POMT2: variants seen among roughly 807,000 people sequenced by gnomAD.
POMT2 encodes protein O-mannosyl-transferase 2.
A neutral mutation model predicts 100.0 loss-of-function variants in POMT2; 75 were observed. The ratio of observed to expected loss-of-function variants is 0.75; its 90% confidence interval spans 0.62 to 0.91. The LOEUF (loss-of-function observed/expected upper bound fraction) is 0.91. Ranked by LOEUF, POMT2 falls within the 40% of genes least tolerant of loss-of-function variation. The pLI, the probability that POMT2 is intolerant of heterozygous loss-of-function variation, is 0.00. For missense variants in POMT2, 940 were observed against 955.1 expected (o/e 0.98, Z 0.21); for synonymous variants, 378 against 374.1 (o/e 1.01, Z -0.12).
At chr14:77,287,544 C>CTCTA (rs1377883829) in intron 11 of POMT2, 1 of 101,180 alleles carries the variant, frequency 9.9e-6, no homozygotes, top group African/African-American at 3.4e-5. Context: ...CTCTCTCTCT[C>CTCTA]TATATATATA....
chr14:77,320,671 G>C lies in POMT2; in HGVS notation c.11C>G (p.Ala4Gly), dbSNP rs1891858364. Residue 4 changes from alanine (A) to glycine (G), a missense_variant, in exon 1 of 21, where the codon GCC becomes GGC. Coordinates refer to ENST00000261534, the MANE Select transcript of POMT2 (RefSeq NM_013382.7). The stretch of plus-strand genomic sequence containing the variant: ...GGACTCTGCCAGGCCTCCGCCCGTG[G>C]CCGGCGGCATCTTCCCCCTCCTCTG... MPP[A>G]TGGGLAESEL... 1.3e-6 allele frequency: 2 copies of C among 1,593,362 alleles called. No homozygotes were observed. The highest frequency in any genetic ancestry group is 1.7e-6 in the Non-Finnish European group (2 of 1,178,040).
chr14:77,289,494 C>T (rs544580784), intron 10 of POMT2, among the ~76,000 whole-genome samples: 5 of 152,212 alleles, frequency 3.3e-5, no homozygotes, highest in African/African-American at 7.2e-5. Flanking sequence ...AGGCTATGAA[C>T]GAGTGTGGCC....
Position 77,282,762 on chromosome 14 carries a change from A to T in POMT2, c.1653+1035T>A, listed in dbSNP as rs184048205. ...TTTTAAAATTTAATCTGGTGAAATA[A>T]GTCAACTATATGTACTGAGTACTGC... On this transcript the variant is annotated intron_variant, in intron 15 of 20. Transcript: ENST00000261534. Among the ~76,000 whole-genome samples, 10 of 152,356 alleles carry T rather than the reference A, an allele frequency of 6.6e-5. No homozygotes were observed. The East Asian group carries it at 1.5e-3, about 23-fold the overall frequency.
At position 77,298,738 on chromosome 14, in the gene POMT2, G is replaced by C. The variant is rs749585390; in HGVS notation, c.957C>G (p.Phe319Leu). 4 of 1,613,640 alleles carry C rather than the reference G, an allele frequency of 2.5e-6. No individual in the cohort carries two copies. The Admixed American group carries it at 5.0e-5, about 20-fold the overall frequency. The stretch of plus-strand genomic sequence containing the variant: ...GGTTGTTCCCTGAAAGCCGGGCCTG[G>C]AAGGCAGAACTGAAGAAACCGTCAC... ...GPGDGFFSSA[F>L]QARLSGNNLH... Residue 319 changes from phenylalanine (F) to leucine (L), a missense_variant, in exon 8 of 21, where the codon TTC becomes TTG. By Grantham distance (22) the Phe-to-Leu change is conservative. Coordinates refer to ENST00000261534, the MANE Select transcript of POMT2 (RefSeq NM_013382.7).
In POMT2 at chr14:77,280,416, G is replaced by C. The variant is rs151051452; in HGVS notation, c.1701C>G (p.Pro567=). The change falls in exon 16 of 21, where the codon CCC becomes CCG. Residue 567 remains proline (P), a synonymous_variant. Transcript: ENST00000261534. ...KPKDNEFTSK[P]WHWPINYQGL... ...CCTGATAGTTGATAGGCCAGTGCCA[G>C]GGTTTGGACGTGAACTCATTGTCCT... 3.2e-4 allele frequency: 513 copies of C among 1,614,146 alleles called. No homozygotes were observed. Among genetic ancestry groups the C allele is most frequent in the Middle Eastern group, 2.5e-3 (15 of 6,062 alleles).
chr14:77,298,389 T>G (rs1890905848), intron 8 of POMT2, among the ~76,000 whole-genome samples: 1 of 152,226 alleles, frequency 6.6e-6, no homozygotes, highest in African/African-American at 2.4e-5. Flanking sequence ...AACCAAAAAC[T>G]GGCTCTGAAG....
rs145907554 is a variant in POMT2, at chr14:77,308,994, G to A, written c.334-2553C>T. On this transcript the variant is annotated intron_variant, in intron 2 of 20. Coordinates refer to ENST00000261534, the MANE Select transcript of POMT2 (RefSeq NM_013382.7). ...ACATCTACATAATAGAATGACACACGGCCATTAAACAGAATGAAGCGCATC... is the reference window on the plus strand; with the variant it reads ...ACATCTACATAATAGAATGACACACAGCCATTAAACAGAATGAAGCGCATC... Among the ~76,000 whole-genome samples the A allele has an allele frequency of 1.9e-3, 289 of 152,188 alleles. 1 individual carries two copies. The highest frequency in any genetic ancestry group is 6.5e-3 in the African/African-American group (270 of 41,516).
intron 1 of POMT2, among the ~76,000 whole-genome samples, chr14:77,318,521 C>A (rs1424529712): frequency 6.6e-6 from 1 of 152,020 alleles, no homozygotes; most frequent in East Asian, 1.9e-4. Context: ...ATCCTAAGGG[C>A]CTTACTTAGG....
intron 2 of POMT2, among the ~76,000 whole-genome samples, chr14:77,307,623 GAGA>G (rs1183425701): frequency 6.6e-6 from 1 of 152,142 alleles, no homozygotes; most frequent in Non-Finnish European, 1.5e-5. Flanking sequence ...CTGGTCTAGA[GAGA>G]AGAAATGTAC....
At chr14:77,278,373 G>A (rs758458567) in intron 20 of POMT2, 21 bp downstream of exon 20, 2 of 1,449,454 alleles carry the variant, frequency 1.4e-6, no homozygotes, top group Admixed American at 3.9e-5. Context: ...GGGAGGGCAT[G>A]TGAGGTGCAG....
At chr14:77,278,991 C>T (rs755698062) in intron 18 of POMT2, 122 bp from the exon 19 acceptor site, 5 of 1,273,602 alleles carry the variant, frequency 3.9e-6, no homozygotes, top group Non-Finnish European at 5.5e-6. Flanking sequence ...CTCATTGGAC[C>T]AACCCAAACC....
intron 13 of POMT2, 161 bp from the exon 14 acceptor site, chr14:77,285,202 G>A (rs1008452873): frequency 4.0e-6 from 3 of 748,888 alleles, no homozygotes; most frequent in East Asian, 5.4e-5. Context: ...GGATAGTCTA[G>A]CATACAGTAT....
At chr14:77,301,312 C>T in intron 5 of POMT2, 63 bp from the exon 6 acceptor site, 1 of 1,592,730 alleles carries the variant, frequency 6.3e-7, no homozygotes. Context: ...GCAAGCGCAG[C>T]AGGGGACAGG....
chr14:77,320,645 C>G lies in POMT2; in HGVS notation c.37G>C (p.Glu13Gln). ...PATGGGLAESELRPRRGRCGP... is the reference protein window; with the variant it reads ...PATGGGLAESQLRPRRGRCGP... ...CAGCGGCCCCTCCGGGGACGCAGCT[C>G]GGACTCTGCCAGGCCTCCGCCCGTG... Residue 13 changes from glutamate to glutamine, a missense_variant, in exon 1 of 21, where the codon GAG becomes CAG. Physicochemically the swap from Glu to Gln is conservative, Grantham distance 29. Coordinates refer to ENST00000261534, the MANE Select transcript of POMT2 (RefSeq NM_013382.7). 6.3e-7 allele frequency: 1 copy of G among 1,593,614 alleles called. No homozygotes were observed. Among genetic ancestry groups the G allele is most frequent in the Non-Finnish European group, 8.5e-7 (1 of 1,177,980 alleles).
intron 9 of POMT2, among the ~76,000 whole-genome samples, chr14:77,295,420 CAGG>C (rs1489123486): frequency 1.3e-5 from 2 of 152,204 alleles, no homozygotes; most frequent in Admixed American, 1.3e-4. Flanking sequence ...ATCATGAGGT[CAGG>C]AGATCGAGAC....
At chr14:77,286,668 G>A in intron 12 of POMT2, 76 bp downstream of exon 12, 1 of 1,588,248 alleles carries the variant, frequency 6.3e-7, no homozygotes, top group Non-Finnish European at 8.6e-7. Context: ...TTCTGGGGAG[G>A]AGATATCCCA....
intron 6 of POMT2, chr14:77,300,823 A>C (rs1891007217): frequency 2.2e-6 from 1 of 448,580 alleles, no homozygotes; most frequent in Non-Finnish European, 4.0e-6. Context: ...CTATCTCAAA[A>C]AAAAAAAAAA....
intron 20 of POMT2, 107 bp downstream of exon 20, chr14:77,278,287 T>C (rs1890053266): frequency 1.1e-5 from 10 of 942,764 alleles, no homozygotes; most frequent in Non-Finnish European, 1.5e-5. Context: ...CCTCCAGGCA[T>C]GGGCACTGGT....
At chr14:77,308,363 T>TTG (rs1555355021) in intron 2 of POMT2, among the ~76,000 whole-genome samples, 4 of 149,690 alleles carry the variant, frequency 2.7e-5, no homozygotes, top group African/African-American at 9.8e-5. Context: ...TTTGTTTTTT[T>TTG]TTTTTTTTTG....
Sources: gnomAD v4.1 joint callset for allele counts (sites outside exome capture counted in the v4.1 genomes callset) on GRCh38, gnomAD v4.1.1 for gene constraint, MANE v1.5 for transcripts, NCBI Gene and HGNC (gene_info 2026-07-23, HGNC 2026-07-21) for gene names.